Variants in MBOAT1 observed in about 807,000 individuals in gnomAD.
MBOAT1 encodes the protein membrane-bound glycerophospholipid O-acyltransferase 1.
Under a neutral mutation model 64.4 loss-of-function variants are expected in MBOAT1, and 67 were observed. The observed-to-expected ratio is 1.04, with a 90% CI of 0.85 to 1.27. The LOEUF is 1.27. Ranked by LOEUF, MBOAT1 falls within the 50% of genes most tolerant of loss-of-function variation. The pLI is 0.00. For missense variants in MBOAT1, 563 were observed against 604.6 expected (o/e 0.93, Z 0.72); for synonymous variants, 229 against 218.9 (o/e 1.05, Z -0.41).
chr6:20,112,823 A>T, intron 11 of MBOAT1, 53 bp downstream of exon 11: 1 of 1,577,794 alleles, frequency 6.3e-7, no homozygotes, highest in Non-Finnish European at 8.6e-7. Flanking sequence ...GATAACAAAC[A>T]TGCAGGCATC....
At chr6:20,110,150 C>T (rs2457333) in intron 11 of MBOAT1, among the ~76,000 whole-genome samples, 100,865 of 150,582 alleles carry the variant, frequency 0.67, 34,397 homozygotes, top group African/African-American at 0.8. Context: ...ACCTTGTGAT[C>T]TGCCCACCTT....
intron 1 of MBOAT1, among the ~76,000 whole-genome samples, chr6:20,164,864 A>AT (rs1188965130): frequency 6.6e-6 from 1 of 152,224 alleles, no homozygotes; most frequent in Non-Finnish European, 1.5e-5. Context: ...TTGAGTAGCC[A>AT]TATGACCATT....
At chr6:20,124,267 G>T in intron 8 of MBOAT1, 141 bp downstream of exon 8, 1 of 758,816 alleles carries the variant, frequency 1.3e-6, no homozygotes, top group Non-Finnish European at 2.1e-6. Flanking sequence ...ATGTTGGTAC[G>T]TTAAAACTGA....
intron 1 of MBOAT1, among the ~76,000 whole-genome samples, chr6:20,189,635 A>C (rs1033475836): frequency 6.6e-6 from 1 of 152,176 alleles, no homozygotes; most frequent in African/African-American, 2.4e-5. Context: ...AGATCACTTG[A>C]ACTTATTCTT....
chr6:20,206,321 G>C (rs970304477), intron 1 of MBOAT1, among the ~76,000 whole-genome samples: 1 of 152,114 alleles, frequency 6.6e-6, no homozygotes, highest in Non-Finnish European at 1.5e-5. Context: ...CTGCAGGCTT[G>C]TGCCACCACA....
chr6:20,162,630 T>C (rs1203674294), intron 1 of MBOAT1, among the ~76,000 whole-genome samples: 2 of 152,216 alleles, frequency 1.3e-5, no homozygotes, highest in African/African-American at 4.8e-5. Flanking sequence ...TCTCATTTAA[T>C]CTTCTTGACA....
At chr6:20,110,197 C>G (rs989257771) in intron 11 of MBOAT1, among the ~76,000 whole-genome samples, 2 of 147,834 alleles carry the variant, frequency 1.4e-5, no homozygotes, top group African/African-American at 4.9e-5. Flanking sequence ...GCGTGAGCCA[C>G]CGCGCCCGGC....
At chr6:20,200,740 G>A (rs1296384588) in intron 1 of MBOAT1, among the ~76,000 whole-genome samples, 2 of 152,026 alleles carry the variant, frequency 1.3e-5, no homozygotes, top group Non-Finnish European at 1.5e-5. Context: ...CACCATGGAA[G>A]GACCCCTCTC....
At chr6:20,166,009 G>A (rs1057284837) in intron 1 of MBOAT1, among the ~76,000 whole-genome samples, 12 of 151,066 alleles carry the variant, frequency 7.9e-5, no homozygotes, top group Admixed American at 3.3e-4. Flanking sequence ...CATGAGAGAA[G>A]TTCACAGATC....
Position 20,183,581 on chromosome 6 carries a change from C to T in MBOAT1, c.99+28555G>A, listed in dbSNP as rs141635120. Among the ~76,000 whole-genome samples, 247 of 128,990 alleles carry T rather than the reference C, an allele frequency of 1.9e-3. 1 individual carries two copies. The highest frequency in any genetic ancestry group is 5.9e-3 in the African/African-American group (220 of 36,988). The allele number at this position is 128,990 out of a possible 152,430, so 84.6% of individuals were successfully genotyped here. A position where few individuals can be genotyped will look rare whatever the true frequency, so the allele number is the denominator to read the frequency against. On this transcript the variant is annotated intron_variant, in intron 1 of 12. Coordinates refer to ENST00000324607, the MANE Select transcript of MBOAT1 (RefSeq NM_001080480.3). ...AAAGGAAATGGATAAAATGGCATTC[C>T]GTCTGGTTGGTATCCATCTCTCTAA...
chr6:20,144,151 GTT>G, intron 4 of MBOAT1, 67 bp downstream of exon 4: 1 of 1,014,200 alleles, frequency 9.9e-7, no homozygotes, highest in Non-Finnish European at 1.5e-6. Context: ...CACCCTTGAT[GTT>G]TACAGACCCC....
At chr6:20,110,507 T>C (rs1760106946) in intron 11 of MBOAT1, among the ~76,000 whole-genome samples, 1 of 151,898 alleles carries the variant, frequency 6.6e-6, no homozygotes, top group East Asian at 1.9e-4. Flanking sequence ...TGAGCCACTG[T>C]GCCTGGCCAA....
At chr6:20,195,324 T>G (rs1210100643) in intron 1 of MBOAT1, among the ~76,000 whole-genome samples, 1 of 152,170 alleles carries the variant, frequency 6.6e-6, no homozygotes, top group Non-Finnish European at 1.5e-5. Context: ...TGTTCCAGCT[T>G]TGGCCACTGA....
intron 6 of MBOAT1, among the ~76,000 whole-genome samples, chr6:20,127,481 C>G (rs561032853): frequency 1.1e-4 from 17 of 152,140 alleles, no homozygotes; most frequent in Non-Finnish European, 2.4e-4. Flanking sequence ...GCAAACAAAG[C>G]TTCATCTGTA....
rs570700832 is a variant in MBOAT1, at chr6:20,190,959, C to G, written c.99+21177G>C. On this transcript the variant is annotated intron_variant, in intron 1 of 12. Coordinates refer to ENST00000324607, the MANE Select transcript of MBOAT1 (RefSeq NM_001080480.3). ...CTACTTTATGATGAGTTGAAACCTA[C>G]CTTCCTAAAGTTTCCATCCATTAGG... Among the ~76,000 whole-genome samples, 14 of 152,294 alleles carry G rather than the reference C, an allele frequency of 9.2e-5. No individual in the cohort carries two copies. In the South Asian group the frequency reaches 2.7e-3, roughly 29 times the overall value.
At chr6:20,144,196 C>T (rs1392131358) in intron 4 of MBOAT1, 24 bp downstream of exon 4, 2 of 1,506,328 alleles carry the variant, frequency 1.3e-6, no homozygotes, top group Admixed American at 1.7e-5. Context: ...AGTAAAACCC[C>T]TCTCTCTAAT....
chr6:20,154,770 T>C (rs1330315372), intron 1 of MBOAT1, among the ~76,000 whole-genome samples: 1 of 152,126 alleles, frequency 6.6e-6, no homozygotes, highest in African/African-American at 2.4e-5. Context: ...AGAATCACCT[T>C]AGCAAGTTTC....
At position 20,126,528 on chromosome 6, in the gene MBOAT1, G is replaced by A. The variant is rs562470402; in HGVS notation, c.703C>T (p.Pro235Ser). 8.1e-6 allele frequency: 13 copies of A among 1,609,830 alleles called. No individual in the cohort carries two copies. Among genetic ancestry groups the A allele is most frequent in the Non-Finnish European group, 1.1e-5 (13 of 1,179,068 alleles). ...KRKGFHSLPE[P>S]SPTGAVIHKL... ...CACTAAAAACTTACTGTGGGAGAAG[G>A]TTCTGGCAAGCTGTGGAAACCTTTT... The change falls in exon 7 of 13, where the codon CCT (proline) becomes TCT (serine). Residue 235 changes from proline (P) to serine (S), a missense_variant. Transcript: ENST00000324607.
intron 1 of MBOAT1, among the ~76,000 whole-genome samples, chr6:20,177,349 TTTTG>T (rs1762371342): frequency 1.3e-5 from 2 of 152,234 alleles, no homozygotes; most frequent in South Asian, 2.1e-4. Context: ...CATCTGGGCT[TTTTG>T]TTTGTTTTAT....
Sources: allele counts gnomAD v4.1 joint callset (sites outside exome capture counted in the v4.1 genomes callset), GRCh38; gene constraint gnomAD v4.1.1; transcripts MANE v1.5; gene names NCBI Gene and HGNC (gene_info 2026-07-23, HGNC 2026-07-21).